The following FAM117B variants were observed in gnomAD, a reference collection of about 807,000 sequenced individuals.
FAM117B encodes the protein family with sequence similarity 117 member B, also known as protein FAM117B.
In FAM117B, 22 loss-of-function variants were observed where a neutral mutation model predicts 52.8. The ratio of observed to expected loss-of-function variants is 0.42; its 90% CI spans 0.30 to 0.59. The LOEUF is 0.59. Among genes scored for constraint, FAM117B ranks in the 20% least tolerant of loss-of-function variants. The pLI is 0.22. For missense variants in FAM117B, 678 were observed against 802.6 expected (o/e 0.84, Z 1.88); for synonymous variants, 309 against 324.1 (o/e 0.95, Z 0.50).
chr2:202,676,420 C>T (rs1276932903), intron 1 of FAM117B, among the ~76,000 whole-genome samples: 1 of 150,806 alleles, frequency 6.6e-6, no homozygotes, highest in Admixed American at 6.6e-5. Context: ...GCTCTTGTTG[C>T]CCAGGCTGGA....
rs1231377321 is a variant in FAM117B, at chr2:202,759,386, A to G, written c.1451+33A>G. On this transcript the variant is annotated intron_variant, in intron 7 of 7. Coordinates refer to ENST00000392238, the MANE Select transcript of FAM117B (RefSeq NM_173511.4). ...TCCCTTCCACCATCCCCACAAAAAA[A>G]CTATTATGAGCTTTTTTTTTTGAGA... 8 of 1,595,636 alleles carry G rather than the reference A, an allele frequency of 5.0e-6. No individual in the cohort carries two copies. The African/African-American group carries it at 1.1e-4, about 22-fold the overall frequency.
At chr2:202,648,286 G>A (rs1689900569) in intron 1 of FAM117B, among the ~76,000 whole-genome samples, 1 of 152,120 alleles carries the variant, frequency 6.6e-6, no homozygotes. Context: ...GAGATGTGTA[G>A]ATTGCCTGAG....
intron 4 of FAM117B, among the ~76,000 whole-genome samples, chr2:202,732,820 C>T (rs1406751311): frequency 7.5e-6 from 1 of 132,868 alleles, no homozygotes; most frequent in Admixed American, 7.5e-5. Flanking sequence ...GACTCCATCT[C>T]AATAAGTAAA....
intron 4 of FAM117B, among the ~76,000 whole-genome samples, chr2:202,753,719 T>C (rs570873974): frequency 1.3e-5 from 2 of 151,914 alleles, no homozygotes; most frequent in South Asian, 4.2e-4. Flanking sequence ...CAGACTCTTC[T>C]TAAAAGAAGA....
intron 1 of FAM117B, among the ~76,000 whole-genome samples, chr2:202,686,228 C>T (rs761891501): frequency 8.5e-5 from 13 of 152,090 alleles, no homozygotes; most frequent in African/African-American, 1.2e-4. Context: ...TGCTCATCTA[C>T]TAGAATGAAT....
At chr2:202,672,251 C>T (rs146630380) in intron 1 of FAM117B, among the ~76,000 whole-genome samples, 6 of 152,322 alleles carry the variant, frequency 3.9e-5, no homozygotes, top group Admixed American at 6.5e-5. Context: ...CTTGCTCTGT[C>T]GCCCAGGCTG....
intron 7 of FAM117B, among the ~76,000 whole-genome samples, chr2:202,762,802 A>G (rs1691914299): frequency 6.6e-6 from 1 of 151,210 alleles, no homozygotes; most frequent in African/African-American, 2.4e-5. Context: ...GCACAAGGAG[A>G]GTTTTTTTGG....
intron 2 of FAM117B, among the ~76,000 whole-genome samples, chr2:202,699,014 T>G (rs746328765): frequency 3.3e-5 from 5 of 152,186 alleles, no homozygotes; most frequent in Non-Finnish European, 5.9e-5. Context: ...GTGGATGCAG[T>G]TCAGTAAGTC....
intron 1 of FAM117B, among the ~76,000 whole-genome samples, chr2:202,690,998 C>T (rs1690613117): frequency 6.6e-6 from 1 of 152,126 alleles, no homozygotes; most frequent in African/African-American, 2.4e-5. Context: ...ATTTCTAGGG[C>T]TTAGCACTGG....
intron 4 of FAM117B, among the ~76,000 whole-genome samples, chr2:202,731,368 TGGAGAGAGAGAGAAGCTCCTTCTCA>T (rs1691346370): frequency 3.0e-3 from 283 of 95,564 alleles, no homozygotes; most frequent in South Asian, 4.7e-3. Context: ...TATATATATA[TGGAGAGAGAGAGAAGCTCCTTCTCA>T]ATTAAAAAAT....
At chr2:202,743,784 AAAAG>A (rs1471578083) in intron 4 of FAM117B, among the ~76,000 whole-genome samples, 1 of 152,224 alleles carries the variant, frequency 6.6e-6, no homozygotes, top group Non-Finnish European at 1.5e-5. Flanking sequence ...TAGATCAAGC[AAAAG>A]AAAGAATTTC....
At chr2:202,655,110 A>C (rs1177506051) in intron 1 of FAM117B, among the ~76,000 whole-genome samples, 2 of 152,174 alleles carry the variant, frequency 1.3e-5, no homozygotes, top group Admixed American at 6.6e-5. Flanking sequence ...TACTTTTTTC[A>C]GAATGTCATA....
At chr2:202,661,106 A>G (rs1690121775) in intron 1 of FAM117B, among the ~76,000 whole-genome samples, 1 of 151,880 alleles carries the variant, frequency 6.6e-6, no homozygotes, top group Non-Finnish European at 1.5e-5. Flanking sequence ...AGGGGGAAAA[A>G]CTCAGTGAAT....
chr2:202,705,667 G>A (rs138888119), intron 2 of FAM117B, among the ~76,000 whole-genome samples: 210 of 152,210 alleles, frequency 1.4e-3, no homozygotes, highest in African/African-American at 4.9e-3. Flanking sequence ...CACTGCCTCC[G>A]TGTTCTTTTA....
chr2:202,635,046 C>A lies in FAM117B; in HGVS notation c.-142C>A, dbSNP rs1689647897. ...ACCACCTCGTTGCTGCCTGCCCCGG[C>A]CCGGTCTCCCCCTGCACCCCGGAGT... On this transcript the variant is annotated 5_prime_UTR_variant, in exon 1 of 8. Coordinates refer to ENST00000392238, the MANE Select transcript of FAM117B (RefSeq NM_173511.4). 2 of 1,140,526 alleles carry A rather than the reference C, an allele frequency of 1.8e-6. No individual in the cohort carries two copies. The highest frequency in any genetic ancestry group is 2.2e-6 in the Non-Finnish European group (2 of 897,872). 70.7% of individuals were successfully genotyped at this position (1,140,526 alleles called of 1,614,324 possible).
At chr2:202,654,098 TGAGA>T (rs1312261313) in intron 1 of FAM117B, among the ~76,000 whole-genome samples, 147 of 115,146 alleles carry the variant, frequency 1.3e-3, no homozygotes, top group African/African-American at 4.6e-3. Context: ...AGAGAGAGAG[TGAGA>T]GTGTGTGTGT....
chr2:202,760,173 A>G (rs112119149), intron 7 of FAM117B, among the ~76,000 whole-genome samples: 7 of 152,360 alleles, frequency 4.6e-5, no homozygotes, highest in African/African-American at 1.7e-4. Context: ...GCTTAATATC[A>G]GCTAATATCC....
At chr2:202,641,560 C>T (rs1315096490) in intron 1 of FAM117B, among the ~76,000 whole-genome samples, 3 of 151,836 alleles carry the variant, frequency 2.0e-5, no homozygotes, top group African/African-American at 4.8e-5. Flanking sequence ...TGATACTTAC[C>T]GTAGATAATT....
In FAM117B at chr2:202,759,249, T is replaced by G. The variant is rs374550108; in HGVS notation, c.1347T>G (p.Ser449=). 3.5e-5 allele frequency: 56 copies of G among 1,614,044 alleles called. No individual in the cohort carries two copies. Among genetic ancestry groups the G allele is most frequent in the Non-Finnish European group, 4.3e-5 (51 of 1,180,028 alleles). ...TTCTTGCAGAGAATGGGAACAATTCTCCTTTGCCCAAATATGCAACCTCAC... is the reference window on the plus strand; with the variant it reads ...TTCTTGCAGAGAATGGGAACAATTCGCCTTTGCCCAAATATGCAACCTCAC... ...DPRDKENGNN[S]PLPKYATSPK... The change falls in exon 7 of 8, where the codon TCT becomes TCG. Residue 449 remains serine, a synonymous_variant. Coordinates refer to ENST00000392238, the MANE Select transcript of FAM117B (RefSeq NM_173511.4).
Sources: allele counts gnomAD v4.1 joint callset (sites outside exome capture counted in the v4.1 genomes callset), GRCh38; gene constraint gnomAD v4.1.1; transcripts MANE v1.5; gene names NCBI Gene and HGNC (gene_info 2026-07-23, HGNC 2026-07-21).